Variants in PCDHA10 observed in about 807,000 individuals in gnomAD.
PCDHA10 encodes protocadherin alpha 10, also known as protocadherin alpha-10.
A neutral mutation model predicts 61.2 loss-of-function variants in PCDHA10; 45 were observed. The ratio of observed to expected loss-of-function variants is 0.74; its 90% CI spans 0.58 to 0.94. PCDHA10 has a LOEUF of 0.94. Among genes scored for constraint, PCDHA10 ranks in the 40% least tolerant of loss-of-function variants. PCDHA10 has a pLI of 0.00. For missense variants in PCDHA10, 1,278 were observed against 1,236.2 expected (o/e 1.03, Z -0.51); for synonymous variants, 602 against 548.8 (o/e 1.10, Z -1.35).
At chr5:140,882,088 T>G (rs1334008975) in intron 1 of PCDHA10, 3 of 1,087,274 alleles carry the variant, frequency 2.8e-6, no homozygotes, top group African/African-American at 1.6e-5. Flanking sequence ...CGCTCTTCAC[T>G]GAGAACGTTT....
chr5:140,994,550 T>A (rs1554254228), intron 3 of PCDHA10, among the ~76,000 whole-genome samples: 1 of 151,060 alleles, frequency 6.6e-6, no homozygotes, highest in Non-Finnish European at 1.5e-5. Context: ...AAAAAAAATA[T>A]AAAAATTAGC....
chr5:140,901,331 G>A (rs545187943), intron 1 of PCDHA10, among the ~76,000 whole-genome samples: 66 of 152,062 alleles, frequency 4.3e-4, no homozygotes, highest in Non-Finnish European at 7.1e-4. Flanking sequence ...TCTTGTAGTC[G>A]TTTTATAGTT....
At chr5:140,992,606 G>A (rs1554253052) in intron 3 of PCDHA10, among the ~76,000 whole-genome samples, 1 of 152,188 alleles carries the variant, frequency 6.6e-6, no homozygotes. Flanking sequence ...CTGTGTCTAA[G>A]TGAAAGCAGA....
chr5:140,903,857 T>C (rs2070669832), intron 1 of PCDHA10, among the ~76,000 whole-genome samples: 1 of 152,172 alleles, frequency 6.6e-6, no homozygotes, highest in South Asian at 2.1e-4. Context: ...TAACAAATAA[T>C]ATAGAGTAAA....
intron 1 of PCDHA10, among the ~76,000 whole-genome samples, chr5:140,923,950 C>A (rs544576500): frequency 6.6e-6 from 1 of 152,148 alleles, no homozygotes; most frequent in Non-Finnish European, 1.5e-5. Context: ...TTTTTCCTCA[C>A]GCCCTAATCT....
chr5:140,930,375 C>T (rs2086761522), intron 1 of PCDHA10: 1 of 151,734 alleles, frequency 6.6e-6, no homozygotes, highest in Non-Finnish European at 1.5e-5. Flanking sequence ...GTTAGTGGCC[C>T]TTGGCATTTC....
chr5:140,989,948 C>T (rs1046056940), intron 3 of PCDHA10, among the ~76,000 whole-genome samples: 2 of 151,988 alleles, frequency 1.3e-5, no homozygotes, highest in Admixed American at 6.6e-5. Context: ...ACGTTTTTCT[C>T]GGTGAGACCA....
At chr5:140,973,004 G>A (rs1183511655) in intron 1 of PCDHA10, among the ~76,000 whole-genome samples, 4 of 152,096 alleles carry the variant, frequency 2.6e-5, no homozygotes, top group African/African-American at 9.7e-5. Flanking sequence ...ATTTGTGGTC[G>A]TGGTGTTGTG....
At chr5:140,898,706 G>T (rs1554188200) in intron 1 of PCDHA10, among the ~76,000 whole-genome samples, 1 of 152,170 alleles carries the variant, frequency 6.6e-6, no homozygotes, top group Admixed American at 6.5e-5. Context: ...CTTTAAAGTA[G>T]TTTTTTCCAA....
At chr5:140,875,474 T>C (rs1369376569) in intron 1 of PCDHA10, 1 of 1,606,582 alleles carries the variant, frequency 6.2e-7, no homozygotes, top group Non-Finnish European at 8.5e-7. Flanking sequence ...TTTTCTGCAA[T>C]GGTGATTATC....
rs782014250 is a variant in PCDHA10, at chr5:140,883,952, G to T, written c.2388+25516G>T. On this transcript the variant is annotated intron_variant, in intron 1 of 3. Transcript: ENST00000307360. The stretch of plus-strand genomic sequence containing the variant: ...GTTCGTGCTGGACGAGAACGACAAC[G>T]CTCCGGCGCTGCTGACGCCCGGGGC... 2.0e-5 allele frequency: 32 copies of T among 1,613,030 alleles called. No individual in the cohort carries two copies. The highest frequency in any genetic ancestry group is 2.6e-5 in the Non-Finnish European group (31 of 1,179,806).
At position 140,997,702 on chromosome 5, in the gene PCDHA10, T is replaced by A. The variant is rs548432387; in HGVS notation, c.2537-11925T>A. Reference sequence around the variant, plus strand: ...TGTGTGTGTGTGTGTGTGTGTATGTTAACAAACACCTTTCTACGTCAGTAC... The same window carrying A: ...TGTGTGTGTGTGTGTGTGTGTATGTAAACAAACACCTTTCTACGTCAGTAC... On this transcript the variant is annotated intron_variant, in intron 3 of 3. Coordinates refer to ENST00000307360, the MANE Select transcript of PCDHA10 (RefSeq NM_018901.4). 1.4e-3 allele frequency among the ~76,000 whole-genome samples: 209 copies of A among 150,856 alleles called. 1 individual carries two copies. The highest frequency in any genetic ancestry group is 4.8e-3 in the African/African-American group (199 of 41,058).
chr5:140,882,309 T>C (rs745321942), intron 1 of PCDHA10: 1 of 1,614,090 alleles, frequency 6.2e-7, no homozygotes, highest in Non-Finnish European at 8.5e-7. Flanking sequence ...CCGCGGCAAC[T>C]ACTGCTCTGG....
At chr5:140,980,307 TA>T (rs1554241617) in intron 2 of PCDHA10, among the ~76,000 whole-genome samples, 2 of 152,140 alleles carry the variant, frequency 1.3e-5, no homozygotes, top group African/African-American at 4.8e-5. Context: ...AGTTGTGCCT[TA>T]AAAACTACAT....
chr5:140,859,198 T>C lies in PCDHA10; in HGVS notation c.2388+762T>C, dbSNP rs1554152210. 2.0e-5 allele frequency: 3 copies of C among 149,984 alleles called. 1 individual carries two copies. The highest frequency in any genetic ancestry group is 7.3e-5 in the African/African-American group (3 of 40,916). The allele number at this position is 149,984 out of a possible 1,614,324, so 9.3% of individuals were successfully genotyped here. A position where few individuals can be genotyped will look rare whatever the true frequency, so the allele number is the denominator to read the frequency against. ...CAGCATTAGGCATTGCTTATGATAT[T>C]CAGGTATTAGCTCTTTCACTTTAAG... On this transcript the variant is annotated intron_variant, in intron 1 of 3. Coordinates refer to ENST00000307360, the MANE Select transcript of PCDHA10 (RefSeq NM_018901.4).
chr5:140,876,181 G>T, intron 1 of PCDHA10: 1 of 1,613,982 alleles, frequency 6.2e-7, no homozygotes, highest in South Asian at 1.1e-5. Context: ...GGATGTGAAT[G>T]ACAATGGTCC....
At chr5:140,971,292 T>C (rs1194622162) in intron 1 of PCDHA10, among the ~76,000 whole-genome samples, 1 of 152,210 alleles carries the variant, frequency 6.6e-6, no homozygotes, top group Non-Finnish European at 1.5e-5. Flanking sequence ...TAATATGTAC[T>C]TTGGTACACA....
chr5:140,864,625 G>GAAAAC (rs1229518182), intron 1 of PCDHA10: 2 of 152,052 alleles, frequency 1.3e-5, no homozygotes, highest in Non-Finnish European at 2.9e-5. Flanking sequence ...TTTTTAAAAA[G>GAAAAC]AAAACAAAAC....
chr5:141,009,999 G>A lies in PCDHA10; in HGVS notation c.*62G>A. 1 of 1,575,110 alleles carries A rather than the reference G, an allele frequency of 6.3e-7. No individual in the cohort carries two copies. The highest frequency in any genetic ancestry group is 1.2e-5 in the South Asian group (1 of 82,646). On this transcript the variant is annotated 3_prime_UTR_variant, in exon 4 of 4. Coordinates refer to ENST00000307360, the MANE Select transcript of PCDHA10 (RefSeq NM_018901.4). ...TGTAATAATGGCAAATCTCTCCCAT[G>A]TAGCAATTCCCTGCTCCTTTTTCCT...
Sources: allele counts gnomAD v4.1 joint callset (sites outside exome capture counted in the v4.1 genomes callset), GRCh38; gene constraint gnomAD v4.1.1; transcripts MANE v1.5; gene names NCBI Gene and HGNC (gene_info 2026-07-23, HGNC 2026-07-21).